UBN1: variants seen among roughly 807,000 people sequenced by gnomAD.
UBN1 encodes the protein ubinuclein-1.
Under a neutral mutation model 108.5 loss-of-function variants are expected in UBN1, and 17 were observed. The observed-to-expected ratio is 0.16, with a 90% CI of 0.11 to 0.24. The LOEUF (loss-of-function observed/expected upper bound fraction) is 0.24. Ranked by LOEUF, UBN1 falls within the 10% of genes least tolerant of loss-of-function variation. UBN1 has a pLI of 1.00. For synonymous variants in UBN1, 726 were observed against 564.2 expected (o/e 1.29, Z -4.07); for missense variants, 1,595 against 1,394.4 (o/e 1.14, Z -2.29).
rs1050735239 is a variant in UBN1, at chr16:4,848,028, G to C, written c.-222G>C. On this transcript the variant is annotated 5_prime_UTR_variant, in exon 1 of 18. Transcript: ENST00000262376. ...TTTCTTCGCTTCCTCCTGGGCCGGC[G>C]CGCGGCGCGGCACACCAGGCTCCCC... The C allele has an allele frequency of 1.3e-5, 2 of 152,432 alleles. No homozygotes were observed. Among genetic ancestry groups the C allele is most frequent in the African/African-American group, 4.8e-5 (2 of 41,442 alleles). The allele number at this position is 152,432 out of a possible 1,614,324, so 9.4% of individuals were successfully genotyped here.
rs1401420444 is a variant in UBN1, at chr16:4,868,863, C to A, written c.1141C>A (p.Gln381Lys). ...AARAAEGESR[Q>K]KFFTQDINGI... ...CAGAGCTGCTGAGGGGGAGAGCAGA[C>A]AGAAGTTCTTCACCCAGGATATTAA... The change falls in exon 8 of 18, where the codon CAG (glutamine) becomes AAG (lysine). Residue 381 changes from glutamine (Q) to lysine (K), a missense_variant. By Grantham distance (53) the Gln-to-Lys change is moderately conservative. Coordinates refer to ENST00000262376, the MANE Select transcript of UBN1 (RefSeq NM_001079514.3). 1.2e-6 allele frequency: 2 copies of A among 1,613,762 alleles called. No homozygotes were observed. The highest frequency in any genetic ancestry group is 1.7e-6 in the Non-Finnish European group (2 of 1,179,866).
chr16:4,881,003 C>G lies in UBN1; in HGVS notation c.*871C>G, dbSNP rs1394663109. On this transcript the variant is annotated 3_prime_UTR_variant, in exon 18 of 18. Transcript: ENST00000262376. The stretch of plus-strand genomic sequence containing the variant: ...GAAAGCCAGTTTTGAGTTTTTTACA[C>G]TTGCACATCATTATCTGTGCCGTCC... 6.6e-6 allele frequency: 1 copy of G among 152,402 alleles called. No homozygotes were observed. Among genetic ancestry groups the G allele is most frequent in the Non-Finnish European group, 1.5e-5 (1 of 68,038 alleles). 9.4% of individuals were successfully genotyped at this position (152,402 alleles called of 1,614,324 possible). A position where few individuals can be genotyped will look rare whatever the true frequency, so the allele number is the denominator to read the frequency against.
In UBN1 at chr16:4,858,731, A is replaced by T. The variant is rs190296506; in HGVS notation, c.432+68A>T. The T allele has an allele frequency of 1.9e-4, 289 of 1,509,070 alleles. 2 individuals are homozygous for T. The Admixed American group carries it at 4.9e-3, about 25-fold the overall frequency. 93.5% of individuals were successfully genotyped at this position (1,509,070 alleles called of 1,614,324 possible). On this transcript the variant is annotated intron_variant, in intron 4 of 17. Transcript: ENST00000262376. ...GTAGCTCCTCCTGATACTGACCAGG[A>T]AGCTGGGGGTGGGGTCAGAGCAGTC...
chr16:4,860,106 C>A, intron 6 of UBN1, 138 bp downstream of exon 6: 1 of 1,025,060 alleles, frequency 9.8e-7, no homozygotes, highest in Non-Finnish European at 1.4e-6. Flanking sequence ...ACGCCTCCCG[C>A]AGTGCCATTC....
rs1209583727 is a variant in UBN1 at position 4,875,166 on chromosome 16, C to T, written c.2756C>T (p.Ser919Phe). The T allele has an allele frequency of 2.5e-6, 4 of 1,614,136 alleles. No homozygotes were observed. Among genetic ancestry groups the T allele is most frequent in the African/African-American group, 1.3e-5 (1 of 74,950 alleles). Residue 919 changes from serine to phenylalanine, a missense_variant, in exon 15 of 18, where the codon TCC becomes TTC. Transcript: ENST00000262376. ...SKHGVSSGSSSSGGTPVQSSV... is the reference protein window; with the variant it reads ...SKHGVSSGSSFSGGTPVQSSV... ...CATGGGGTTTCTTCTGGCAGCTCTTCCTCGGGAGGAACACCAGTCCAGAGT... is the reference window on the plus strand; with the variant it reads ...CATGGGGTTTCTTCTGGCAGCTCTTTCTCGGGAGGAACACCAGTCCAGAGT...
chr16:4,849,822 C>T (rs940953502), intron 1 of UBN1, among the ~76,000 whole-genome samples: 1 of 151,496 alleles, frequency 6.6e-6, no homozygotes, highest in Admixed American at 6.6e-5. Context: ...GTCTTAAACT[C>T]CTAGGCTCCA....
intron 2 of UBN1, among the ~76,000 whole-genome samples, chr16:4,855,775 C>T (rs1285098316): frequency 1.3e-5 from 2 of 151,956 alleles, no homozygotes; most frequent in Non-Finnish European, 2.9e-5. Flanking sequence ...AAAAATTAGC[C>T]GGGTGTGGTA....
intron 2 of UBN1, among the ~76,000 whole-genome samples, chr16:4,854,073 G>A (rs538703516): frequency 4.0e-5 from 6 of 151,898 alleles, no homozygotes; most frequent in South Asian, 2.1e-4. Flanking sequence ...TTACTCTGTC[G>A]CCCAGGCTGG....
intron 1 of UBN1, 128 bp from the exon 2 acceptor site, chr16:4,852,747 CAATA>C (rs1198509432): frequency 4.9e-6 from 5 of 1,012,506 alleles, no homozygotes; most frequent in Non-Finnish European, 6.9e-6. Context: ...CAGAAAAAAA[CAATA>C]AATGACAAAA....
intron 2 of UBN1, among the ~76,000 whole-genome samples, chr16:4,854,105 C>G (rs189371468): frequency 1.4e-3 from 210 of 152,222 alleles, no homozygotes; most frequent in African/African-American, 4.8e-3. Context: ...ACCATCTTGT[C>G]TCAGTGCAAC....
chr16:4,861,881 G>C (rs558498703), intron 7 of UBN1, among the ~76,000 whole-genome samples: 52 of 152,360 alleles, frequency 3.4e-4, no homozygotes, highest in Non-Finnish European at 5.3e-4. Flanking sequence ...GGCGGAGGTT[G>C]TGGTGAGTGG....
At position 4,874,215 on chromosome 16, in the gene UBN1, C is replaced by T. The variant is rs771899716; in HGVS notation, c.1805C>T (p.Ser602Leu). 3.6e-5 allele frequency: 56 copies of T among 1,547,310 alleles called. No individual in the cohort carries two copies. The highest frequency in any genetic ancestry group is 1.7e-4 in the Middle Eastern group (1 of 5,744). ...MAPSKIKVKE[S>L]STKPDKKVSV... is the part of the protein sequence containing the mutation. ...AACATTTCTGTTTTCCTTTAGGAAT[C>T]GTCTACGAAGCCTGATAAAAAGGTT... The change falls in exon 15 of 18, where the codon TCG becomes TTG. Residue 602 changes from serine to leucine, a missense_variant. By Grantham distance (145) the Ser-to-Leu change is moderately radical (BLOSUM62 -2). Transcript: ENST00000262376.
At chr16:4,868,007 T>C (rs923195683) in intron 7 of UBN1, among the ~76,000 whole-genome samples, 3 of 152,130 alleles carry the variant, frequency 2.0e-5, no homozygotes, top group African/African-American at 7.2e-5. Flanking sequence ...TGGGCCACTT[T>C]TGAGAGTGTG....
At position 4,858,699 on chromosome 16, in the gene UBN1, T is replaced by C. The variant is rs771675120; in HGVS notation, c.432+36T>C. ...ACTGAAAATGCCGTGTCAGACCCACTGTACCTGTAGCTCCTCCTGATACTG... is the reference window on the plus strand; with the variant it reads ...ACTGAAAATGCCGTGTCAGACCCACCGTACCTGTAGCTCCTCCTGATACTG... On this transcript the variant is annotated intron_variant, in intron 4 of 17. Coordinates refer to ENST00000262376, the MANE Select transcript of UBN1 (RefSeq NM_001079514.3). The C allele has an allele frequency of 6.3e-6, 10 of 1,598,716 alleles. No homozygotes were observed. The African/African-American group carries it at 1.2e-4, about 19-fold the overall frequency.
At position 4,877,789 on chromosome 16, in the gene UBN1, T is replaced by C; in HGVS notation, c.3355+315T>C. The stretch of plus-strand genomic sequence containing the variant: ...TCCTAACCCTCGGCTTGTTTTTTTC[T>C]CTTCAGTTTAAAAAAAAAAAAAAAG... On this transcript the variant is annotated intron_variant, in intron 17 of 17. Transcript: ENST00000262376. The surrounding 1 kb of genome is among the most constrained non-coding windows in gnomAD (Gnocchi z 4.3). 3.9e-6 allele frequency: 4 copies of C among 1,032,548 alleles called. No homozygotes were observed. The highest frequency in any genetic ancestry group is 1.4e-4 in the East Asian group (2 of 14,658). The allele number at this position is 1,032,548 out of a possible 1,614,324, so 64.0% of individuals were successfully genotyped here.
chr16:4,871,260 G>C lies in UBN1; in HGVS notation c.1665G>C (p.Ala555=), dbSNP rs142815176. ...ACTGTGTGAAGGGCTTTCTGGATGC[G>C]GAAGTCAAGCCCCTCTGGCCCAAAG... ...WEDCVKGFLD[A]EVKPLWPKGW... The change falls in exon 12 of 18, where the codon GCG becomes GCC. Residue 555 remains alanine (A), a synonymous_variant. Coordinates refer to ENST00000262376, the MANE Select transcript of UBN1 (RefSeq NM_001079514.3). 10 of 1,614,232 alleles carry C rather than the reference G, an allele frequency of 6.2e-6. No individual in the cohort carries two copies. The highest frequency in any genetic ancestry group is 2.7e-5 in the African/African-American group (2 of 75,074).
chr16:4,875,735 C>G (rs983737016), intron 15 of UBN1, among the ~76,000 whole-genome samples: 1 of 152,178 alleles, frequency 6.6e-6, no homozygotes, highest in Admixed American at 6.5e-5. Context: ...AGCAACAGCC[C>G]TTGCCTTCCG....
Position 4,860,689 on chromosome 16 carries a change from G to GAGA in UBN1, c.711_713dup (p.Lys238dup), listed in dbSNP as rs749824976. On this transcript the variant is annotated inframe_insertion, in exon 7 of 18. Transcript: ENST00000262376. Reference sequence around the variant, plus strand: ...CTTCACAGCCCTCAATGCCAGTAAGGAGAAGAAGAAGAAGAAATATTCTGG... The same window carrying GAGA: ...CTTCACAGCCCTCAATGCCAGTAAGGAGAAGAAGAAGAAGAAGAAATATTCTGG... 2.5e-6 allele frequency: 4 copies of GAGA among 1,613,116 alleles called. No homozygotes were observed. Among genetic ancestry groups the GAGA allele is most frequent in the Non-Finnish European group, 3.4e-6 (4 of 1,179,844 alleles).
chr16:4,853,039 C>T lies in UBN1; in HGVS notation c.122C>T (p.Ala41Val), dbSNP rs755708762. ...AGEQHQDCEP[A>V]AAAVRITLTL... Reference sequence around the variant, plus strand: ...GAACAGCATCAGGACTGTGAGCCGGCTGCAGCAGCTGTTCGGATTACACTC... The same window carrying T: ...GAACAGCATCAGGACTGTGAGCCGGTTGCAGCAGCTGTTCGGATTACACTC... Residue 41 changes from alanine to valine, a missense_variant, in exon 2 of 18, where the codon GCT becomes GTT. By Grantham distance (64) the Ala-to-Val change is moderately conservative (BLOSUM62 0). Coordinates refer to ENST00000262376, the MANE Select transcript of UBN1 (RefSeq NM_001079514.3). 1 of 1,614,222 alleles carries T rather than the reference C, an allele frequency of 6.2e-7. No individual in the cohort carries two copies. Among genetic ancestry groups the T allele is most frequent in the South Asian group, 1.1e-5 (1 of 91,088 alleles).
Sources: gnomAD v4.1 joint callset for allele counts (sites outside exome capture counted in the v4.1 genomes callset) on GRCh38, gnomAD v4.1.1 for gene constraint, Gnocchi (gnomAD v3.1) non-coding constraint, MANE v1.5 for transcripts, NCBI Gene and HGNC (gene_info 2026-07-23, HGNC 2026-07-21) for gene names.